Variants in RYR1 observed in about 807,000 individuals in gnomAD.
RYR1 encodes the protein central core disease of muscle.
A neutral mutation model predicts 583.5 loss-of-function variants in RYR1; 342 were observed. The observed-to-expected ratio is 0.59, with a 90% CI of 0.54 to 0.64. The LOEUF (loss-of-function observed/expected upper bound fraction) is 0.64. Among genes scored for constraint, RYR1 ranks in the 30% least tolerant of loss-of-function variants. The pLI, the probability that RYR1 is intolerant of heterozygous loss-of-function variation, is 0.00. For synonymous variants in RYR1, 2,791 were observed against 2,822.5 expected, an observed-to-expected ratio of 0.99 and a Z score of 0.35; for missense variants, 6,032 against 6,917.2, an observed-to-expected ratio of 0.87 and a Z score of 4.54.
chr19:38,571,842 C>T (rs1003284602), intron 94 of RYR1, among the ~76,000 whole-genome samples, 177 bp from the exon 95 acceptor site: 1 of 152,164 alleles, frequency 6.6e-6, no homozygotes, highest in African/African-American at 2.4e-5. Flanking sequence ...GGCTAATTCC[C>T]AGGTCAGAGT....
At chr19:38,494,744 C>A in intron 39 of RYR1, 119 bp downstream of exon 39, 1 of 1,259,248 alleles carries the variant, frequency 7.9e-7, no homozygotes, top group Non-Finnish European at 1.1e-6. Flanking sequence ...CTCAGTCTCT[C>A]GATGGCTAGC....
chr19:38,492,633 C>G lies in RYR1; in HGVS notation c.6271C>G (p.Pro2091Ala), dbSNP rs1600794989. The change falls in exon 38 of 106, where the codon CCC becomes GCC. Residue 2091 changes from proline to alanine, a missense_variant. Transcript: ENST00000359596. ...GGAGCGGTCAGCAGAGGAGAGCAAACCCCGTGAGGACTGGGGTCACTGGGG... is the reference window on the plus strand; with the variant it reads ...GGAGCGGTCAGCAGAGGAGAGCAAAGCCCGTGAGGACTGGGGTCACTGGGG... ...EEERSAEESKPRSLQELVSHM... is the reference protein window; with the variant it reads ...EEERSAEESKARSLQELVSHM... 6.2e-7 allele frequency: 1 copy of G among 1,609,880 alleles called. No homozygotes were observed. The highest frequency in any genetic ancestry group is 8.5e-7 in the Non-Finnish European group (1 of 1,178,152).
chr19:38,500,617 C>T lies in RYR1; in HGVS notation c.7335C>T (p.Ala2445=), dbSNP rs779477292. Residue 2445 remains alanine (A), a synonymous_variant, in exon 46 of 106, where the codon GCC becomes GCT. Transcript: ENST00000359596. This position sits in a 1 kb window ranked among gnomAD's most constrained non-coding sequence, Gnocchi z 5.9. ...RCAPEMHLIQ[A]GKGEALRIRA... ...CCTCTACTCCCCAGCTAATCCAAGC[C>T]GGCAAGGGTGAGGCCCTGCGGATCC... The T allele has an allele frequency of 9.9e-6, 16 of 1,612,850 alleles. No individual in the cohort carries two copies. Among genetic ancestry groups the T allele is most frequent in the East Asian group, 4.5e-5 (2 of 44,894 alleles).
intron 89 of RYR1, among the ~76,000 whole-genome samples, chr19:38,549,839 G>A (rs1174483993): frequency 6.7e-6 from 1 of 150,304 alleles, no homozygotes; most frequent in Admixed American, 6.7e-5. Context: ...CTGAGTAGCT[G>A]GGATTACAGG....
intron 76 of RYR1, among the ~76,000 whole-genome samples, chr19:38,530,005 A>C (rs1181943885): frequency 1.3e-5 from 2 of 152,056 alleles, no homozygotes; most frequent in East Asian, 3.8e-4. Context: ...TTTGAGATGG[A>C]GTCTCGCTCT....
rs754104129 is a variant in RYR1, at chr19:38,473,437, T to A, written c.3826T>A (p.Trp1276Arg). ...CTGCCTGCGCCTGACCCACCGCACC[T>A]GGGGCTCCCAGAACAGCCTGGTGGA... ...PPCLRLTHRT[W>R]GSQNSLVEML... The change falls in exon 28 of 106, where the codon TGG becomes AGG. Residue 1276 changes from tryptophan to arginine, a missense_variant. Trp to Arg is a moderately radical substitution (Grantham distance 101). This residue lies in a region of RYR1 where 2,627 missense variants were observed against 2,961.3 expected (regional missense o/e 0.89). Coordinates refer to ENST00000359596, the MANE Select transcript of RYR1 (RefSeq NM_000540.3). 7.4e-6 allele frequency: 12 copies of A among 1,613,790 alleles called. No individual in the cohort carries two copies. The highest frequency in any genetic ancestry group is 1.3e-5 in the African/African-American group (1 of 74,906).
intron 90 of RYR1, among the ~76,000 whole-genome samples, chr19:38,564,467 G>A (rs554113107): frequency 6.6e-6 from 1 of 152,282 alleles, no homozygotes; most frequent in South Asian, 2.1e-4. Context: ...GAAGGTTACA[G>A]TGAGACAGCG....
At chr19:38,435,505 GCGGATC>G (rs2145296755) in intron 1 of RYR1, among the ~76,000 whole-genome samples, 1 of 152,304 alleles carries the variant, frequency 6.6e-6, no homozygotes, top group South Asian at 2.1e-4. Flanking sequence ...GCCAAGGTGA[GCGGATC>G]ACTTGAGGTC....
chr19:38,549,226 C>G (rs1370759124), intron 89 of RYR1, among the ~76,000 whole-genome samples: 1 of 152,144 alleles, frequency 6.6e-6, no homozygotes, highest in Admixed American at 6.6e-5. Context: ...CCTCTCCCAT[C>G]CTAACTCTCC....
intron 88 of RYR1, among the ~76,000 whole-genome samples, chr19:38,546,877 G>T (rs565609487): frequency 6.8e-6 from 1 of 147,106 alleles, no homozygotes; most frequent in Non-Finnish European, 1.5e-5. Context: ...ACCAGAGCCC[G>T]GGAGGTCCAG....
intron 93 of RYR1, among the ~76,000 whole-genome samples, chr19:38,570,147 T>G (rs950605042): frequency 7.0e-6 from 1 of 142,096 alleles, no homozygotes; most frequent in Non-Finnish European, 1.5e-5. Flanking sequence ...GGTGACAGAG[T>G]GAGACCTTGT....
Position 38,475,403 on chromosome 19 carries a change from C to A in RYR1, c.4246C>A (p.Pro1416Thr). Residue 1416 changes from proline (P) to threonine (T), a missense_variant, in exon 29 of 106, where the codon CCT (proline) becomes ACT (threonine). Pro to Thr is a conservative substitution (Grantham distance 38). Coordinates refer to ENST00000359596, the MANE Select transcript of RYR1 (RefSeq NM_000540.3). ...GCCCCGACTCCCTCACGACGTGGTGCCTGCAGACAACCGCGATGACCCCGA... is the reference window on the plus strand; with the variant it reads ...GCCCCGACTCCCTCACGACGTGGTGACTGCAGACAACCGCGATGACCCCGA... ...TLPRLPHDVV[P>T]ADNRDDPEII... The A allele has an allele frequency of 6.2e-7, 1 of 1,614,014 alleles. No homozygotes were observed. The highest frequency in any genetic ancestry group is 8.5e-7 in the Non-Finnish European group (1 of 1,179,992).
At chr19:38,436,654 C>T (rs531150302) in intron 1 of RYR1, among the ~76,000 whole-genome samples, 8 of 152,238 alleles carry the variant, frequency 5.3e-5, no homozygotes, top group South Asian at 2.1e-4. Flanking sequence ...ACATTTGAGT[C>T]GTCTCCAATT....
chr19:38,439,537 C>T (rs926386391), intron 1 of RYR1, among the ~76,000 whole-genome samples: 1 of 151,778 alleles, frequency 6.6e-6, no homozygotes. Context: ...GATGGAGTCT[C>T]ACTCTGTCAC....
intron 22 of RYR1, among the ~76,000 whole-genome samples, chr19:38,464,051 T>C (rs1264846886): frequency 6.7e-6 from 1 of 149,298 alleles, no homozygotes; most frequent in African/African-American, 2.5e-5. Flanking sequence ...CCGAGACGGG[T>C]GGATCACTTG....
At chr19:38,438,820 A>G (rs1291166952) in intron 1 of RYR1, among the ~76,000 whole-genome samples, 1 of 151,588 alleles carries the variant, frequency 6.6e-6, no homozygotes, top group Non-Finnish European at 1.5e-5. Context: ...GGGTTTCACC[A>G]TGTTAGCCAG....
In RYR1 at chr19:38,537,692, T is replaced by C. The variant is rs571696894; in HGVS notation, c.11609-188T>C. Among the ~76,000 whole-genome samples, 3 of 152,336 alleles carry C rather than the reference T, an allele frequency of 2.0e-5. No individual in the cohort carries two copies. In the East Asian group the frequency reaches 5.8e-4, roughly 29 times the overall value. On this transcript the variant is annotated intron_variant, in intron 83 of 105. Transcript: ENST00000359596. ...CTCCGTCTGCTGATGTCATGGGCTC[T>C]GAGGTCAAGACCGCCTGGCGTCATG... is the stretch of plus-strand genomic sequence containing the variant.
rs959341915 is a variant in RYR1 at position 38,510,564 on chromosome 19, A to T, written c.8999A>T (p.Lys3000Met). Reference protein sequence around the residue: ...PHEQEIKFFAKILLPLINQYF... With the variant: ...PHEQEIKFFAMILLPLINQYF... ...GAACAGGAGATTAAATTCTTTGCCA[A>T]GGTGAGAGGTGGGCTTAGAAGCTGG... Residue 3000 changes from lysine (K) to methionine (M), a missense_variant and splice_region_variant, in exon 59 of 106, where the codon AAG becomes ATG. By Grantham distance (95) the Lys-to-Met change is moderately conservative. This residue lies in a region of RYR1 where 1,493 missense variants were observed against 1,715.5 expected (regional missense o/e 0.87). Transcript: ENST00000359596. 1 of 1,614,118 alleles carries T rather than the reference A, an allele frequency of 6.2e-7. No homozygotes were observed. Among genetic ancestry groups the T allele is most frequent in the Non-Finnish European group, 8.5e-7 (1 of 1,180,030 alleles).
rs2145447898 is a variant in RYR1, at chr19:38,466,408, C to T, written c.3178+10C>T. 4 of 1,542,612 alleles carry T rather than the reference C, an allele frequency of 2.6e-6. No individual in the cohort carries two copies. Among genetic ancestry groups the T allele is most frequent in the East Asian group, 2.4e-5 (1 of 40,902 alleles). On this transcript the variant is annotated intron_variant, in intron 24 of 105. Coordinates refer to ENST00000359596, the MANE Select transcript of RYR1 (RefSeq NM_000540.3). ...CCTGACCAGGAGCCCAGTGAGTGCT[C>T]ACCCCTGGCCCTGGCCCTGACTCCT...
Sources: allele counts gnomAD v4.1 joint callset (sites outside exome capture counted in the v4.1 genomes callset), GRCh38; gene constraint gnomAD v4.1.1; regional missense constraint gnomAD v4.1.1; non-coding constraint Gnocchi (gnomAD v3.1); transcripts MANE v1.5; gene names NCBI Gene and HGNC (gene_info 2026-07-23, HGNC 2026-07-21).